Variants in ADGRE5 observed in about 807,000 individuals in gnomAD.
The protein encoded by ADGRE5 is CD97 molecule.
A neutral mutation model predicts 100.3 loss-of-function variants in ADGRE5; 72 were observed. The ratio of observed to expected loss-of-function variants is 0.72; its 90% CI spans 0.59 to 0.87. The LOEUF (loss-of-function observed/expected upper bound fraction) is 0.87, where lower values mean the gene tolerates loss of function less well. Ranked by LOEUF, ADGRE5 falls within the 40% of genes least tolerant of loss-of-function variation. The probability of loss-of-function intolerance (pLI) is 0.00; values close to 1 mark genes in which losing one functional copy is unlikely to be tolerated. For synonymous variants in ADGRE5, 439 were observed against 447.8 expected (o/e 0.98, Z 0.25); for missense variants, 959 against 1,094.7 (o/e 0.88, Z 1.75).
chr19:14,385,426 T>C (rs1423996930), intron 1 of ADGRE5, among the ~76,000 whole-genome samples: 1 of 152,170 alleles, frequency 6.6e-6, no homozygotes, highest in Non-Finnish European at 1.5e-5. Context: ...ATCTCTATTT[T>C]CTCTCCACCC....
chr19:14,407,330 G>A, intron 18 of ADGRE5, 101 bp downstream of exon 18: 2 of 1,334,632 alleles, frequency 1.5e-6, no homozygotes, highest in Non-Finnish European at 2.1e-6. Context: ...AGACCAGCCT[G>A]GGCAACATAA....
chr19:14,402,963 T>C (rs1976076201), intron 12 of ADGRE5, 101 bp downstream of exon 12: 2 of 1,178,086 alleles, frequency 1.7e-6, no homozygotes, highest in Non-Finnish European at 2.5e-6. Context: ...CTCAGTCTTT[T>C]ATGTTTCTGG....
rs751685988 is a variant in ADGRE5 at position 14,405,862 on chromosome 19, A to T, written c.1744A>T (p.Ile582Leu). 6 of 1,613,018 alleles carry T rather than the reference A, an allele frequency of 3.7e-6. No individual in the cohort carries two copies. The South Asian group carries it at 5.5e-5, about 15-fold the overall frequency. ...VRPIQGSRTT[I>L]HLHLCICLFV... ...GCCCATCCAGGGCTCGCGCACCACC[A>T]TACACCTGCACCTCTGCATCTGCCT... Residue 582 changes from isoleucine (I) to leucine (L), a missense_variant, in exon 14 of 20, where the codon ATA becomes TTA. Physicochemically the swap from Ile to Leu is conservative, Grantham distance 5. Coordinates refer to ENST00000242786, the MANE Select transcript of ADGRE5 (RefSeq NM_078481.4).
intron 4 of ADGRE5, among the ~76,000 whole-genome samples, chr19:14,394,038 G>A (rs1053856245): frequency 2.0e-5 from 3 of 152,156 alleles, no homozygotes; most frequent in African/African-American, 7.2e-5. Flanking sequence ...CTCTGGCTAG[G>A]GGTGCCGCCC....
chr19:14,381,561 C>A lies in ADGRE5; in HGVS notation c.22+16C>A. ...GTCTTTCTCGGTAAGTACTTTGGGG[C>A]CCCGCTGGGAGGGGCGAGGAAGCTC... On this transcript the variant is annotated intron_variant, in intron 1 of 19. Transcript: ENST00000242786. The A allele has an allele frequency of 1.3e-6, 2 of 1,599,862 alleles. No homozygotes were observed. The highest frequency in any genetic ancestry group is 8.5e-7 in the Non-Finnish European group (1 of 1,176,080).
intron 9 of ADGRE5, among the ~76,000 whole-genome samples, chr19:14,399,183 C>T (rs1299954639): frequency 6.6e-6 from 1 of 151,762 alleles, no homozygotes; most frequent in Non-Finnish European, 1.5e-5. Context: ...GAAAGTAATG[C>T]CTCCTTCATA....
intron 1 of ADGRE5, among the ~76,000 whole-genome samples, chr19:14,385,594 G>A (rs1239181250): frequency 6.6e-6 from 1 of 152,102 alleles, no homozygotes; most frequent in East Asian, 1.9e-4. Context: ...CACCCCAACA[G>A]GCGGCTACAG....
chr19:14,392,394 G>A (rs1429974381), intron 4 of ADGRE5, among the ~76,000 whole-genome samples: 1 of 151,760 alleles, frequency 6.6e-6, no homozygotes, highest in Non-Finnish European at 1.5e-5. Context: ...TCCGCCTCCT[G>A]GGTTCAAGTG....
At chr19:14,383,080 G>A (rs1003165320) in intron 1 of ADGRE5, among the ~76,000 whole-genome samples, 5 of 152,130 alleles carry the variant, frequency 3.3e-5, no homozygotes, top group African/African-American at 1.2e-4. Context: ...GTGTGCGCCT[G>A]TAGTCCTAGT....
chr19:14,405,498 T>G (rs1271223390), intron 13 of ADGRE5: 1 of 477,948 alleles, frequency 2.1e-6, no homozygotes, highest in African/African-American at 2.0e-5. Context: ...AAGCTGGGCC[T>G]TGTCGAAAAC....
At position 14,408,171 on chromosome 19, in the gene ADGRE5, T is replaced by C; in HGVS notation, c.*50T>C. 1 of 1,596,744 alleles carries C rather than the reference T, an allele frequency of 6.3e-7. No individual in the cohort carries two copies. The highest frequency in any genetic ancestry group is 8.6e-7 in the Non-Finnish European group (1 of 1,167,232). On this transcript the variant is annotated 3_prime_UTR_variant, in exon 20 of 20. Transcript: ENST00000242786. Reference sequence around the variant, plus strand: ...GCAGCTCCTGTGGCCACAGCAGCTTTGTACACGAAGACCATCCATCCTCCC... The same window carrying C: ...GCAGCTCCTGTGGCCACAGCAGCTTCGTACACGAAGACCATCCATCCTCCC...
intron 4 of ADGRE5, 143 bp downstream of exon 4, chr19:14,391,222 C>A: frequency 2.0e-6 from 2 of 1,001,076 alleles, no homozygotes; most frequent in Non-Finnish European, 3.0e-6. Flanking sequence ...CATGTACCTA[C>A]CCCACCACCC....
At chr19:14,405,502 C>T (rs1024663926) in intron 13 of ADGRE5, 4 of 482,922 alleles carry the variant, frequency 8.3e-6, no homozygotes, top group South Asian at 3.3e-5. Context: ...TGGGCCTTGT[C>T]GAAAACTGCA....
chr19:14,391,250 G>A, intron 4 of ADGRE5, 171 bp downstream of exon 4: 1 of 826,172 alleles, frequency 1.2e-6, no homozygotes, highest in Non-Finnish European at 1.9e-6. Flanking sequence ...GCAGAGTGAT[G>A]TGAGGATTAA....
At chr19:14,396,821 A>G (rs67023356) in intron 5 of ADGRE5, among the ~76,000 whole-genome samples, 41,516 of 152,040 alleles carry the variant, frequency 0.27, 6,074 homozygotes, top group Admixed American at 0.37. Flanking sequence ...AGTCATGGAA[A>G]TCTAGCTCCC....
chr19:14,408,003 G>C lies in ADGRE5; in HGVS notation c.2472G>C (p.Gln824His). The C allele has an allele frequency of 6.2e-7, 1 of 1,614,174 alleles. No homozygotes were observed. The highest frequency in any genetic ancestry group is 8.5e-7 in the Non-Finnish European group (1 of 1,180,032). The change falls in exon 19 of 20, where the codon CAG becomes CAC. Residue 824 changes from glutamine to histidine, a missense_variant. Physicochemically the swap from Gln to His is conservative, Grantham distance 24. This residue lies in a region of ADGRE5 where 428 missense variants were observed against 386.2 expected (regional missense o/e 1.11). Transcript: ENST00000242786. ...CCACGTCTGGCACTGGCCACAATCA[G>C]ACCCGGGTAAGGGGCTGCGCCTGGG... ...TSTTSGTGHN[Q>H]TRALRASESG...
intron 4 of ADGRE5, 89 bp from the exon 5 acceptor site, chr19:14,396,253 T>A (rs530163471): frequency 6.2e-7 from 1 of 1,611,146 alleles, no homozygotes; most frequent in East Asian, 2.2e-5. Context: ...GCCTTCCAGA[T>A]GCTTCCGTGC....
At chr19:14,393,361 G>A (rs548915995) in intron 4 of ADGRE5, among the ~76,000 whole-genome samples, 5 of 152,338 alleles carry the variant, frequency 3.3e-5, no homozygotes, top group South Asian at 4.1e-4. Flanking sequence ...CTACCCCTGC[G>A]CAGAGGCCAC....
chr19:14,398,316 A>C (rs1184315783), intron 9 of ADGRE5, 177 bp downstream of exon 9: 2 of 625,010 alleles, frequency 3.2e-6, no homozygotes, highest in African/African-American at 3.7e-5. Flanking sequence ...GGACACGTGA[A>C]GACACACGCA....
Sources: allele counts gnomAD v4.1 joint callset (sites outside exome capture counted in the v4.1 genomes callset), GRCh38; gene constraint gnomAD v4.1.1; regional missense constraint gnomAD v4.1.1; transcripts MANE v1.5; gene names NCBI Gene and HGNC (gene_info 2026-07-23, HGNC 2026-07-21).